Variants in TMEM267 observed in about 807,000 individuals in gnomAD.
The protein encoded by TMEM267 is transmembrane protein C5orf28.
A neutral mutation model predicts 19.3 loss-of-function variants in TMEM267; 20 were observed. That is an observed-to-expected ratio of 1.04 (90% CI 0.73 to 1.51). The LOEUF (loss-of-function observed/expected upper bound fraction) is 1.51, where lower values mean the gene tolerates loss of function less well. Among genes scored for constraint, TMEM267 ranks in the 40% most tolerant of loss-of-function variants. The pLI, the probability that TMEM267 is intolerant of heterozygous loss-of-function variation, is 0.00. For missense variants in TMEM267, 242 were observed against 261.9 expected, an observed-to-expected ratio of 0.92 and a Z score of 0.52; for synonymous variants, 88 against 90.3, an observed-to-expected ratio of 0.97 and a Z score of 0.15.
rs546953909 is a variant in TMEM267, at chr5:43,450,157, G to A, written c.312+3501C>T. 5.5e-4 allele frequency among the ~76,000 whole-genome samples: 84 copies of A among 152,154 alleles called. 1 individual carries two copies. Among genetic ancestry groups the A allele is most frequent in the African/African-American group, 1.9e-3 (78 of 41,514 alleles). Reference sequence around the variant, plus strand: ...CTATAGGCATACACCACCATGCCGGGCTAGTTTTTTATTTTTTGTAGAGAT... The same window carrying A: ...CTATAGGCATACACCACCATGCCGGACTAGTTTTTTATTTTTTGTAGAGAT... On this transcript the variant is annotated intron_variant, in intron 2 of 2. Transcript: ENST00000397080.
At chr5:43,466,603 A>G (rs552994082) in intron 1 of TMEM267, among the ~76,000 whole-genome samples, 1 of 152,320 alleles carries the variant, frequency 6.6e-6, no homozygotes, top group South Asian at 2.1e-4. Flanking sequence ...AAAAAAATAG[A>G]AAGTGAAAAA....
At chr5:43,480,715 T>C (rs1744702834) in intron 1 of TMEM267, among the ~76,000 whole-genome samples, 1 of 150,956 alleles carries the variant, frequency 6.6e-6, no homozygotes, top group African/African-American at 2.4e-5. Context: ...GATGTCCTTA[T>C]AAAGCCAGTG....
At chr5:43,466,394 T>C (rs1019016146) in intron 1 of TMEM267, among the ~76,000 whole-genome samples, 2 of 152,282 alleles carry the variant, frequency 1.3e-5, no homozygotes, top group Middle Eastern at 3.4e-3. Flanking sequence ...TAGAATAACA[T>C]ATCTGGCAAA....
chr5:43,465,190 A>G (rs928666539), intron 1 of TMEM267, among the ~76,000 whole-genome samples: 3 of 152,256 alleles, frequency 2.0e-5, no homozygotes, highest in African/African-American at 7.2e-5. Flanking sequence ...TATGCAGCCA[A>G]AAAACACATG....
intron 1 of TMEM267, among the ~76,000 whole-genome samples, chr5:43,481,786 C>A (rs984458097): frequency 1.3e-5 from 2 of 152,072 alleles, no homozygotes; most frequent in Non-Finnish European, 2.9e-5. Context: ...TGGGCCAGAA[C>A]CGCCAGCTAA....
intron 1 of TMEM267, among the ~76,000 whole-genome samples, chr5:43,478,015 A>G (rs1188591220): frequency 2.0e-5 from 3 of 152,218 alleles, no homozygotes; most frequent in Admixed American, 2.0e-4. Flanking sequence ...CAGGACATGG[A>G]CACCATCATA....
intron 1 of TMEM267, among the ~76,000 whole-genome samples, chr5:43,474,186 G>C (rs779851041): frequency 4.6e-5 from 7 of 151,936 alleles, no homozygotes; most frequent in Non-Finnish European, 8.8e-5. Flanking sequence ...AGGCAATTTA[G>C]GACACAGGCA....
rs35873992 is a variant in TMEM267 at position 43,455,420 on chromosome 5, TA to T, written c.-74-1378del. Among the ~76,000 whole-genome samples the T allele has an allele frequency of 4.7e-3, 664 of 140,686 alleles. 1 individual carries two copies. Among genetic ancestry groups the T allele is most frequent in the African/African-American group, 0.011 (419 of 38,526 alleles). 92.3% of individuals were successfully genotyped at this position (140,686 alleles called of 152,430 possible). A position where few individuals can be genotyped will look rare whatever the true frequency, so the allele number is the denominator to read the frequency against. On this transcript the variant is annotated intron_variant, in intron 1 of 2. Transcript: ENST00000397080. ...CCTGGGCAACACAGAGACCCTGTCT[TA>T]AAAAAAAAAAAGCTACAGTAATCAA...
chr5:43,482,134 C>G (rs2112233357), intron 1 of TMEM267, among the ~76,000 whole-genome samples: 1 of 152,292 alleles, frequency 6.6e-6, no homozygotes, highest in East Asian at 1.9e-4. Flanking sequence ...TGAGCCACGG[C>G]GCCTGGCCCC....
chr5:43,481,599 T>C (rs1744770119), intron 1 of TMEM267, among the ~76,000 whole-genome samples: 2 of 152,048 alleles, frequency 1.3e-5, no homozygotes, highest in African/African-American at 2.4e-5. Flanking sequence ...ACACATATAT[T>C]ATATATAATG....
intron 1 of TMEM267, among the ~76,000 whole-genome samples, chr5:43,475,752 G>A (rs189796466): frequency 1.1e-4 from 16 of 152,080 alleles, no homozygotes; most frequent in African/African-American, 3.4e-4. Flanking sequence ...GTTAGTTCAA[G>A]GTATGAACTA....
rs1303393582 is a variant in TMEM267 at position 43,445,716 on chromosome 5, G to A, written c.*506C>T. 6.6e-6 allele frequency: 1 copy of A among 152,130 alleles called. No individual in the cohort carries two copies. Among genetic ancestry groups the A allele is most frequent in the African/African-American group, 2.4e-5 (1 of 41,390 alleles). 9.4% of individuals were successfully genotyped at this position (152,130 alleles called of 1,614,324 possible). A position where few individuals can be genotyped will look rare whatever the true frequency, so the allele number is the denominator to read the frequency against. On this transcript the variant is annotated 3_prime_UTR_variant, in exon 3 of 3. Transcript: ENST00000397080. ...AATTTCACTCAGGATCAACATATATGAAAATAAATACATGTTAGCATTAAC... is the reference window on the plus strand; with the variant it reads ...AATTTCACTCAGGATCAACATATATAAAAATAAATACATGTTAGCATTAAC...
Position 43,448,639 on chromosome 5 carries a change from G to A in TMEM267, c.313-2082C>T, listed in dbSNP as rs1055664018. Among the ~76,000 whole-genome samples, 12 of 152,060 alleles carry A rather than the reference G, an allele frequency of 7.9e-5. No homozygotes were observed. The South Asian group carries it at 2.3e-3, about 29-fold the overall frequency. On this transcript the variant is annotated intron_variant, in intron 2 of 2. Coordinates refer to ENST00000397080, the MANE Select transcript of TMEM267 (RefSeq NM_022483.5). Reference sequence around the variant, plus strand: ...TAAAAATACAAAATTAGCTGGGCATGGTGGTGCATGCCTGTAATCCCAGCT... The same window carrying A: ...TAAAAATACAAAATTAGCTGGGCATAGTGGTGCATGCCTGTAATCCCAGCT...
At chr5:43,471,053 A>C (rs1744036316) in intron 1 of TMEM267, among the ~76,000 whole-genome samples, 2 of 152,162 alleles carry the variant, frequency 1.3e-5, no homozygotes, top group South Asian at 4.1e-4. Flanking sequence ...CTAAGAAAAA[A>C]AGAGGGAAGA....
At chr5:43,457,569 C>T (rs1463262730) in intron 1 of TMEM267, among the ~76,000 whole-genome samples, 2 of 152,176 alleles carry the variant, frequency 1.3e-5, no homozygotes, top group South Asian at 2.1e-4. Context: ...AGCCAGATCT[C>T]GTGAGAACGA....
upstream of TMEM267, chr5:43,484,270 G>C (rs991819582): frequency 1.3e-5 from 2 of 152,202 alleles, no homozygotes; most frequent in African/African-American, 4.8e-5. Context: ...CCAGAAGCTT[G>C]AGCTGGGAGC....
rs540944830 is a variant in TMEM267, at chr5:43,453,773, G to A, written c.197C>T (p.Ala66Val). 6.2e-6 allele frequency: 10 copies of A among 1,613,922 alleles called. No homozygotes were observed. The highest frequency in any genetic ancestry group is 2.2e-5 in the East Asian group (1 of 44,866). The change falls in exon 2 of 3, where the codon GCG (alanine) becomes GTG (valine). Residue 66 changes from alanine (A) to valine (V), a missense_variant. By Grantham distance (64) the Ala-to-Val change is moderately conservative (BLOSUM62 0). Transcript: ENST00000397080. Reference sequence around the variant, plus strand: ...CTTCTTCTTGATTCCAGTGACTACCGCCCATGACCACATGCCAATTACACA... The same window carrying A: ...CTTCTTCTTGATTCCAGTGACTACCACCCATGACCACATGCCAATTACACA... ...VHCVIGMWSWAVVTGIKKKTD... is the reference protein window; with the variant it reads ...VHCVIGMWSWVVVTGIKKKTD...
chr5:43,478,430 C>A (rs1029691479), intron 1 of TMEM267, among the ~76,000 whole-genome samples: 1 of 152,092 alleles, frequency 6.6e-6, no homozygotes, highest in African/African-American at 2.4e-5. Context: ...AATTTGTCAA[C>A]AGAATTCTAC....
chr5:43,444,917 T>G lies in TMEM267; in HGVS notation c.*1305A>C, dbSNP rs1193386315. Reference sequence around the variant, plus strand: ...CTCCCCTAAAGAGCTTGAACCTTCATAATAATTTACAGAATTCTGTTTAAC... The same window carrying G: ...CTCCCCTAAAGAGCTTGAACCTTCAGAATAATTTACAGAATTCTGTTTAAC... On this transcript the variant is annotated 3_prime_UTR_variant, in exon 3 of 3. Transcript: ENST00000397080. 3 of 152,146 alleles carry G rather than the reference T, an allele frequency of 2.0e-5. No individual in the cohort carries two copies. The highest frequency in any genetic ancestry group is 4.4e-5 in the Non-Finnish European group (3 of 68,028). 9.4% of individuals were successfully genotyped at this position (152,146 alleles called of 1,614,324 possible). A position where few individuals can be genotyped will look rare whatever the true frequency, so the allele number is the denominator to read the frequency against.
Sources: gnomAD v4.1 joint callset for allele counts (sites outside exome capture counted in the v4.1 genomes callset) on GRCh38, gnomAD v4.1.1 for gene constraint, MANE v1.5 for transcripts, NCBI Gene and HGNC (gene_info 2026-07-23, HGNC 2026-07-21) for gene names.